TUSC3: variants seen among roughly 807,000 people sequenced by gnomAD.
TUSC3 encodes dolichyl-diphosphooligosaccharide--protein glycosyltransferase subunit TUSC3.
A neutral mutation model predicts 44.8 loss-of-function variants in TUSC3; 45 were observed. That is an observed-to-expected ratio of 1.00 (90% CI 0.79 to 1.29). The LOEUF is 1.29. Among genes scored for constraint, TUSC3 ranks in the 50% most tolerant of loss-of-function variants. TUSC3 has a pLI of 0.00. For missense variants in TUSC3, 519 were observed against 437.9 expected, an observed-to-expected ratio of 1.19 and a Z score of -1.65; for synonymous variants, 212 against 152.9, an observed-to-expected ratio of 1.39 and a Z score of -2.85.
chr8:15,645,416 A>G (rs1806579906), intron 2 of TUSC3, among the ~76,000 whole-genome samples: 1 of 151,970 alleles, frequency 6.6e-6, no homozygotes, highest in South Asian at 2.1e-4. Flanking sequence ...ACATACCACC[A>G]TTATTTTCCA....
intron 6 of TUSC3, among the ~76,000 whole-genome samples, chr8:15,706,881 G>A (rs1042059761): frequency 6.6e-6 from 1 of 151,668 alleles, no homozygotes; most frequent in Admixed American, 6.6e-5. Context: ...TTTAAATTTG[G>A]GAAGTTAAGT....
At chr8:15,749,891 A>ATCCATTTTCATCTATAGCACTTATAGTT (rs1811618921) in intron 9 of TUSC3, among the ~76,000 whole-genome samples, 1 of 146,628 alleles carries the variant, frequency 6.8e-6, no homozygotes. Context: ...TTGAAAATTA[A>ATCCATTTTCATCTATAGCACTTATAGTT]TCCATTTTCA....
At chr8:15,689,867 A>AAATAT (rs138528908) in intron 6 of TUSC3, among the ~76,000 whole-genome samples, 49 of 142,988 alleles carry the variant, frequency 3.4e-4, no homozygotes, top group Middle Eastern at 3.7e-3. Flanking sequence ...TGTGTGTATA[A>AAATAT]ATATATATAT....
intron 3 of TUSC3, among the ~76,000 whole-genome samples, chr8:15,657,011 A>T (rs1199297215): frequency 6.6e-6 from 1 of 152,118 alleles, no homozygotes; most frequent in Non-Finnish European, 1.5e-5. Context: ...TGGACACCCC[A>T]AGTGGCTCTG....
chr8:15,458,285 C>G (rs547718505), intron 1 of TUSC3, among the ~76,000 whole-genome samples: 3 of 152,240 alleles, frequency 2.0e-5, no homozygotes, highest in South Asian at 4.1e-4. Context: ...GTGGCCCATG[C>G]TGAGGTACAG....
At chr8:15,614,398 T>C in intron 1 of TUSC3, among the ~76,000 whole-genome samples, 1 of 152,204 alleles carries the variant, frequency 6.6e-6, no homozygotes, top group African/African-American at 2.4e-5. Context: ...AAATCAGTTT[T>C]AGAACATTTT....
intron 2 of TUSC3, among the ~76,000 whole-genome samples, chr8:15,493,945 C>T (rs1223495176): frequency 1.3e-5 from 2 of 152,182 alleles, no homozygotes; most frequent in Admixed American, 6.5e-5. Flanking sequence ...TCTTCAGTGA[C>T]TTCTGGACGT....
At position 15,711,531 on chromosome 8, in the gene TUSC3, T is replaced by C. The variant is rs1449587205; in HGVS notation, c.799-19135T>C. On this transcript the variant is annotated intron_variant, in intron 6 of 10. Transcript: ENST00000503731. ...TGTGTATATATATATATTTAATATA[T>C]GTATATATATTTGTTTAAATCGCAT... Among the ~76,000 whole-genome samples the C allele has an allele frequency of 7.3e-5, 11 of 150,106 alleles. No individual in the cohort carries two copies. In the Admixed American group the frequency reaches 7.4e-4, roughly 10 times the overall value.
At chr8:15,747,037 G>A (rs1475722881) in intron 8 of TUSC3, among the ~76,000 whole-genome samples, 1 of 151,964 alleles carries the variant, frequency 6.6e-6, no homozygotes, top group African/African-American at 2.4e-5. Flanking sequence ...GCTACACTTG[G>A]ATGCTATTAA....
intron 1 of TUSC3, among the ~76,000 whole-genome samples, chr8:15,599,269 A>G (rs759802948): frequency 6.6e-6 from 1 of 151,770 alleles, no homozygotes; most frequent in African/African-American, 2.4e-5. Flanking sequence ...CCATTTTAAA[A>G]TTGGGTTGTT....
At chr8:15,735,658 GATC>G (rs1810895897) in intron 7 of TUSC3, among the ~76,000 whole-genome samples, 1 of 152,072 alleles carries the variant, frequency 6.6e-6, no homozygotes, top group Non-Finnish European at 1.5e-5. Context: ...TATCTGAAAA[GATC>G]ATCATAATAA....
At chr8:15,642,693 T>A (rs978585718) in intron 2 of TUSC3, among the ~76,000 whole-genome samples, 9 of 152,308 alleles carry the variant, frequency 5.9e-5, no homozygotes, top group Admixed American at 1.3e-4. Flanking sequence ...TTGCAATATA[T>A]ATATATGAAT....
intron 1 of TUSC3, among the ~76,000 whole-genome samples, chr8:15,437,972 T>C (rs1799971640): frequency 6.6e-6 from 1 of 152,224 alleles, no homozygotes; most frequent in Non-Finnish European, 1.5e-5. Context: ...GCTTTGGAAC[T>C]GTACAGACAT....
At chr8:15,718,505 A>G (rs1314063725) in intron 6 of TUSC3, among the ~76,000 whole-genome samples, 1 of 152,184 alleles carries the variant, frequency 6.6e-6, no homozygotes, top group African/African-American at 2.4e-5. Context: ...CAGTAGTTAC[A>G]TCATAAGATG....
intron 3 of TUSC3, chr8:15,651,065 T>G: frequency 2.3e-6 from 1 of 435,504 alleles, no homozygotes; most frequent in Non-Finnish European, 4.2e-6. Flanking sequence ...AATAAGTAGT[T>G]ATAATACATT....
At chr8:15,679,081 C>A (rs898119217) in intron 6 of TUSC3, among the ~76,000 whole-genome samples, 2 of 152,128 alleles carry the variant, frequency 1.3e-5, no homozygotes, top group African/African-American at 4.8e-5. Context: ...GTACATGTGT[C>A]TTTTTGGTAG....
At chr8:15,532,643 G>T (rs1318033723) in intron 2 of TUSC3, among the ~76,000 whole-genome samples, 1 of 152,142 alleles carries the variant, frequency 6.6e-6, no homozygotes, top group African/African-American at 2.4e-5. Flanking sequence ...ACATGTGAGG[G>T]GGTGATATGG....
chr8:15,748,856 A>G (rs1036653675), intron 9 of TUSC3: 7 of 406,910 alleles, frequency 1.7e-5, no homozygotes, highest in African/African-American at 1.3e-4. Flanking sequence ...GAATTCTACA[A>G]AATTTTAACT....
At chr8:15,588,083 G>A (rs559069295) in intron 1 of TUSC3, among the ~76,000 whole-genome samples, 2 of 152,144 alleles carry the variant, frequency 1.3e-5, no homozygotes. Flanking sequence ...CTCAGTAGTG[G>A]GATTGATTGC....
Sources: allele counts gnomAD v4.1 joint callset (sites outside exome capture counted in the v4.1 genomes callset), GRCh38; gene constraint gnomAD v4.1.1; transcripts MANE v1.5; gene names NCBI Gene and HGNC (gene_info 2026-07-23, HGNC 2026-07-21).